Variants in ITGAM observed in about 807,000 individuals in gnomAD.
ITGAM encodes integrin subunit alpha M.
A neutral mutation model predicts 137.5 loss-of-function variants in ITGAM; 79 were observed. The observed-to-expected ratio is 0.57, with a 90% CI of 0.48 to 0.69. The LOEUF (loss-of-function observed/expected upper bound fraction) is 0.69. Ranked by LOEUF, ITGAM falls within the 30% of genes least tolerant of loss-of-function variation. ITGAM has a pLI of 0.00. For missense variants in ITGAM, 1,343 were observed against 1,483.5 expected, an observed-to-expected ratio of 0.91 and a Z score of 1.56; for synonymous variants, 583 against 592.3, an observed-to-expected ratio of 0.98 and a Z score of 0.23.
chr16:31,276,630 CCTT>C lies in ITGAM; in HGVS notation c.1010-38_1010-36del, dbSNP rs532842216. ...TACAGGCGTGAGCCACCATGCCCGG[CCTT>C]CTGCTTTCTTTAATATAGAAACTTC... On this transcript the variant is annotated intron_variant, in intron 9 of 29. Transcript: ENST00000544665. 9.3e-4 allele frequency: 1,364 copies of C among 1,465,064 alleles called. 15 individuals are homozygous for C. In the African/African-American group the frequency reaches 0.017, roughly 18 times the overall value. 90.8% of individuals were successfully genotyped at this position (1,465,064 alleles called of 1,614,324 possible).
chr16:31,288,461 A>G (rs894819281), intron 12 of ITGAM, among the ~76,000 whole-genome samples: 2 of 152,196 alleles, frequency 1.3e-5, no homozygotes, highest in Non-Finnish European at 1.5e-5. Context: ...CCACATGTCT[A>G]CAACCATCTG....
chr16:31,294,628 G>C (rs1597005428), intron 12 of ITGAM, among the ~76,000 whole-genome samples: 1 of 152,126 alleles, frequency 6.6e-6, no homozygotes, highest in African/African-American at 2.4e-5. Context: ...GCTGGATTTG[G>C]TTTGCAGGTA....
chr16:31,295,262 A>T (rs1431291843), intron 12 of ITGAM, among the ~76,000 whole-genome samples: 1 of 152,138 alleles, frequency 6.6e-6, no homozygotes, highest in Admixed American at 6.6e-5. Context: ...TTGTAAAAAA[A>T]TGCCATTGGG....
chr16:31,327,025 G>T, intron 22 of ITGAM, 90 bp downstream of exon 22: 1 of 948,038 alleles, frequency 1.1e-6, no homozygotes, highest in Non-Finnish European at 1.7e-6. Flanking sequence ...TTGCCCACTG[G>T]TTCTCCCTTC....
intron 8 of ITGAM, among the ~76,000 whole-genome samples, chr16:31,274,506 C>G (rs1295009925): frequency 2.0e-5 from 3 of 152,188 alleles, no homozygotes; most frequent in African/African-American, 7.2e-5. Context: ...GGCCTGATCT[C>G]TTCTAGTCAC....
At chr16:31,307,059 A>G (rs1418236053) in intron 14 of ITGAM, among the ~76,000 whole-genome samples, 2 of 152,208 alleles carry the variant, frequency 1.3e-5, no homozygotes, top group African/African-American at 2.4e-5. Context: ...GCCTGGTAGT[A>G]TGGTTTGAAG....
intron 5 of ITGAM, among the ~76,000 whole-genome samples, chr16:31,270,030 G>A (rs2079811092): frequency 6.6e-6 from 1 of 152,176 alleles, no homozygotes; most frequent in Non-Finnish European, 1.5e-5. Flanking sequence ...AGGCAGAGGA[G>A]CACATTCCAC....
At chr16:31,262,980 C>T (rs544275413) in intron 2 of ITGAM, among the ~76,000 whole-genome samples, 32 of 152,258 alleles carry the variant, frequency 2.1e-4, no homozygotes, top group African/African-American at 6.3e-4. Context: ...CTCCCTCTGT[C>T]GCCCAGGCTG....
chr16:31,290,651 G>C lies in ITGAM; in HGVS notation c.1357-6863G>C, dbSNP rs535213185. Among the ~76,000 whole-genome samples the C allele has an allele frequency of 2.0e-5, 3 of 152,128 alleles. No individual in the cohort carries two copies. In the East Asian group the frequency reaches 5.8e-4, roughly 29 times the overall value. On this transcript the variant is annotated intron_variant, in intron 12 of 29. Coordinates refer to ENST00000544665, the MANE Select transcript of ITGAM (RefSeq NM_000632.4). ...ATTATACTTAAAAGTGAAAGAGAAT[G>C]CTTTTCACCTAAAATTGGAAACAAG...
At chr16:31,296,666 A>G (rs1297607881) in intron 12 of ITGAM, among the ~76,000 whole-genome samples, 1 of 152,094 alleles carries the variant, frequency 6.6e-6, no homozygotes, top group Non-Finnish European at 1.5e-5. Context: ...TGAAATTGCT[A>G]TACACATCTC....
intron 23 of ITGAM, 139 bp from the exon 24 acceptor site, chr16:31,329,076 CCCATCCCCCTGCA>C: frequency 2.3e-6 from 1 of 442,008 alleles, no homozygotes; most frequent in Non-Finnish European, 4.3e-6. Context: ...CATTGGTTCC[CCCATCCCCCTGCA>C]CCCCACCCCA....
intron 14 of ITGAM, among the ~76,000 whole-genome samples, chr16:31,315,830 T>C (rs1477396345): frequency 1.3e-5 from 2 of 152,168 alleles, no homozygotes; most frequent in Admixed American, 1.3e-4. Flanking sequence ...GGATATCCAG[T>C]GTTCTTAACA....
intron 12 of ITGAM, among the ~76,000 whole-genome samples, chr16:31,291,093 C>T (rs907170935): frequency 1.3e-5 from 2 of 152,012 alleles, no homozygotes; most frequent in African/African-American, 4.8e-5. Context: ...GAGAGAGACG[C>T]TGTGGTCATG....
chr16:31,281,761 GC>G (rs1466739760), intron 12 of ITGAM, among the ~76,000 whole-genome samples: 2 of 152,118 alleles, frequency 1.3e-5, no homozygotes, highest in Non-Finnish European at 2.9e-5. Context: ...CCATCTGCTA[GC>G]TTTTGAATGT....
intron 1 of ITGAM, among the ~76,000 whole-genome samples, chr16:31,260,388 G>A (rs531975878): frequency 1.3e-5 from 2 of 152,232 alleles, no homozygotes; most frequent in East Asian, 1.9e-4. Context: ...CTCAGGGTGC[G>A]CAGCAGGTGT....
At chr16:31,330,449 G>A (rs751870654) in intron 27 of ITGAM, 28 bp downstream of exon 27, 1 of 1,610,664 alleles carries the variant, frequency 6.2e-7, no homozygotes, top group Middle Eastern at 1.7e-4. Context: ...GCTTCGCCGG[G>A]CACAGGCGTG....
intron 12 of ITGAM, among the ~76,000 whole-genome samples, chr16:31,279,894 C>T (rs1347470523): frequency 1.3e-5 from 2 of 152,098 alleles, no homozygotes; most frequent in African/African-American, 4.8e-5. Flanking sequence ...AGTCTTTAAT[C>T]CATCTTGAAT....
intron 12 of ITGAM, among the ~76,000 whole-genome samples, chr16:31,283,738 A>T (rs912779507): frequency 1.3e-5 from 2 of 152,180 alleles, no homozygotes; most frequent in Non-Finnish European, 2.9e-5. Flanking sequence ...CGTTAAAGTC[A>T]TTCTCCGTCC....
chr16:31,287,763 C>G (rs531812969), intron 12 of ITGAM, among the ~76,000 whole-genome samples: 1 of 152,112 alleles, frequency 6.6e-6, no homozygotes, highest in East Asian at 1.9e-4. Context: ...AAATTCTTCA[C>G]GTGGTCTCTC....
Sources: gnomAD v4.1 joint callset for allele counts (sites outside exome capture counted in the v4.1 genomes callset) on GRCh38, gnomAD v4.1.1 for gene constraint, MANE v1.5 for transcripts, NCBI Gene and HGNC (gene_info 2026-07-23, HGNC 2026-07-21) for gene names.